Variants in ITGAV observed in about 807,000 individuals in gnomAD.
ITGAV encodes integrin alpha-V.
In ITGAV, 76 loss-of-function variants were observed where a neutral mutation model predicts 143.8. The observed-to-expected ratio is 0.53, with a 90% CI of 0.44 to 0.64. The LOEUF (loss-of-function observed/expected upper bound fraction) is 0.64. ITGAV is among the 30% of genes least tolerant of loss of function. The pLI is 0.00. For synonymous variants in ITGAV, 453 were observed against 446.7 expected, an observed-to-expected ratio of 1.01 and a Z score of -0.18; for missense variants, 1,193 against 1,274.7, an observed-to-expected ratio of 0.94 and a Z score of 0.98.
Position 186,676,953 on chromosome 2 carries a change from AAAG to A in ITGAV, c.3051+22_3051+24del, listed in dbSNP as rs144805292. The A allele has an allele frequency of 1.8e-3, 2,957 of 1,610,390 alleles. 39 individuals are homozygous for A. In the East Asian group the frequency reaches 0.03, roughly 16 times the overall value. On this transcript the variant is annotated intron_variant, in intron 29 of 29. Transcript: ENST00000261023. ...TGTACAGGGTAAGTAACGGACTTAG[AAAG>A]AAGGAGAGAGGGAAAGCAGAAGAAA... is the stretch of plus-strand genomic sequence containing the variant.
chr2:186,598,595 G>C (rs951116091), intron 1 of ITGAV, among the ~76,000 whole-genome samples: 2 of 151,696 alleles, frequency 1.3e-5, no homozygotes, highest in African/African-American at 4.8e-5. Flanking sequence ...ATGCCACCAC[G>C]CCTGGCTAAT....
chr2:186,592,859 G>C (rs180932986), intron 1 of ITGAV, among the ~76,000 whole-genome samples: 186 of 152,176 alleles, frequency 1.2e-3, no homozygotes, highest in African/African-American at 4.0e-3. Flanking sequence ...AACCAACCTT[G>C]AATTTTTTTC....
Position 186,646,774 on chromosome 2 carries a change from C to T in ITGAV, c.1248C>T (p.Val416=), listed in dbSNP as rs1267388354. The change falls in exon 13 of 30, where the codon GTC becomes GTT. Residue 416 remains valine (V), a synonymous_variant. Coordinates refer to ENST00000261023, the MANE Select transcript of ITGAV (RefSeq NM_002210.5). The part of the protein sequence containing the change: ...FNGRSTGLNA[V]PSQILEGQWA... ...GAAGATCAACAGGCTTGAACGCAGT[C>T]CCATCTCAAATCCTTGAAGGGCAGT... is the stretch of plus-strand genomic sequence containing the variant. The T allele has an allele frequency of 3.1e-6, 5 of 1,613,088 alleles. No homozygotes were observed. Among genetic ancestry groups the T allele is most frequent in the Non-Finnish European group, 4.2e-6 (5 of 1,179,460 alleles).
intron 3 of ITGAV, among the ~76,000 whole-genome samples, chr2:186,623,960 G>C (rs1687605600): frequency 6.6e-6 from 1 of 152,082 alleles, no homozygotes; most frequent in African/African-American, 2.4e-5. Context: ...GTGAACCAGA[G>C]CATTTTACCT....
chr2:186,650,040 A>T (rs1191363313), intron 14 of ITGAV, among the ~76,000 whole-genome samples, 155 bp downstream of exon 14: 1 of 152,134 alleles, frequency 6.6e-6, no homozygotes, highest in East Asian at 1.9e-4. Context: ...AAATAGTATT[A>T]TTTTTATTGG....
chr2:186,593,910 A>C (rs182916254), intron 1 of ITGAV, among the ~76,000 whole-genome samples: 190 of 152,314 alleles, frequency 1.2e-3, no homozygotes, highest in African/African-American at 4.3e-3. Context: ...TCATTCTTCA[A>C]ATATATGTTA....
chr2:186,656,987 AACACAC>A (rs56249746), intron 17 of ITGAV, among the ~76,000 whole-genome samples: 5,159 of 139,300 alleles, frequency 0.037, 179 homozygotes, highest in African/African-American at 0.078. Flanking sequence ...GAATTCATTA[AACACAC>A]ACACACACAC....
At chr2:186,601,453 G>A (rs3845712) in intron 1 of ITGAV, among the ~76,000 whole-genome samples, 3 of 151,018 alleles carry the variant, frequency 2.0e-5, no homozygotes, top group Admixed American at 6.6e-5. Context: ...AAGCAAAACT[G>A]TGTCTCTTAA....
At chr2:186,676,989 G>C (rs1689230976) in intron 29 of ITGAV, 54 bp downstream of exon 29, 1 of 1,564,696 alleles carries the variant, frequency 6.4e-7, no homozygotes. Context: ...AAAAGGGAAA[G>C]GGAAGAAGGA....
At position 186,641,675 on chromosome 2, in the gene ITGAV, C is replaced by T. The variant is rs551453776; in HGVS notation, c.1159+87C>T. The T allele has an allele frequency of 9.0e-4, 911 of 1,016,882 alleles. 7 individuals are homozygous for T. The highest frequency in any genetic ancestry group is 8.0e-3 in the South Asian group (561 of 70,266). 63.0% of individuals were successfully genotyped at this position (1,016,882 alleles called of 1,614,324 possible). A position where few individuals can be genotyped will look rare whatever the true frequency, so the allele number is the denominator to read the frequency against. On this transcript the variant is annotated intron_variant, in intron 12 of 29. Transcript: ENST00000261023. ...GTAAGTCCATCTGTAGAAGTCTACA[C>T]GAGCAAATCTCCTTCCTGGAAAGGT...
chr2:186,614,150 TA>T (rs1687290660), intron 2 of ITGAV, among the ~76,000 whole-genome samples: 2 of 152,098 alleles, frequency 1.3e-5, no homozygotes, highest in African/African-American at 4.8e-5. Context: ...CACTACTTTT[TA>T]AAAAACCTTT....
chr2:186,636,010 GTACCA>G, intron 6 of ITGAV, 67 bp from the exon 7 acceptor site: 2 of 1,294,176 alleles, frequency 1.5e-6, no homozygotes, highest in South Asian at 1.4e-5. Context: ...CTTCATGCAG[GTACCA>G]TACATTATCT....
chr2:186,640,533 C>A (rs1465909903), intron 10 of ITGAV, among the ~76,000 whole-genome samples: 3 of 152,120 alleles, frequency 2.0e-5, no homozygotes, highest in African/African-American at 7.2e-5. Flanking sequence ...CAACATTTGT[C>A]TGTGACTATA....
intron 11 of ITGAV, 87 bp from the exon 12 acceptor site, chr2:186,641,299 A>G: frequency 1.0e-6 from 1 of 1,002,028 alleles, no homozygotes; most frequent in Non-Finnish European, 1.6e-6. Flanking sequence ...ATGCAGAAAG[A>G]GGAAAAGTGA....
chr2:186,666,836 G>A, intron 22 of ITGAV, 53 bp downstream of exon 22: 2 of 930,334 alleles, frequency 2.1e-6, no homozygotes, highest in Non-Finnish European at 3.2e-6. Flanking sequence ...ATTATTTGTT[G>A]TAAATATACT....
At chr2:186,623,083 A>G (rs1687580026) in intron 3 of ITGAV, among the ~76,000 whole-genome samples, 1 of 152,110 alleles carries the variant, frequency 6.6e-6, no homozygotes, top group Admixed American at 6.5e-5. Context: ...AAAAAAAAAT[A>G]ACAACCTTCC....
intron 2 of ITGAV, among the ~76,000 whole-genome samples, chr2:186,602,374 G>A (rs1686934920): frequency 6.6e-6 from 1 of 152,132 alleles, no homozygotes; most frequent in Admixed American, 6.5e-5. Context: ...TGGTTCAGAT[G>A]TCTTCTGCCG....
In ITGAV at chr2:186,652,045, C is replaced by T; in HGVS notation, c.1461C>T (p.Asp487=). Residue 487 remains aspartate (D), a synonymous_variant, in exon 15 of 30, where the codon GAC becomes GAT. Coordinates refer to ENST00000261023, the MANE Select transcript of ITGAV (RefSeq NM_002210.5). ...TGTACCCTAGCATTTTAAATCAAGACAATAAAACCTGCTCACTGCCTGGAA... is the reference window on the plus strand; with the variant it reads ...TGTACCCTAGCATTTTAAATCAAGATAATAAAACCTGCTCACTGCCTGGAA... The part of the protein sequence containing the change: ...LEVYPSILNQ[D]NKTCSLPGTA... The T allele has an allele frequency of 6.2e-7, 1 of 1,613,436 alleles. No homozygotes were observed.
rs201713267 is a variant in ITGAV, at chr2:186,675,801, A to G, written c.2821-19A>G. ...AGGCCTGATATCTGGGAAATCATCTAATTGTTATTTCCAAACAGAAAGAAA... is the reference window on the plus strand; with the variant it reads ...AGGCCTGATATCTGGGAAATCATCTGATTGTTATTTCCAAACAGAAAGAAA... On this transcript the variant is annotated intron_variant, in intron 27 of 29. Coordinates refer to ENST00000261023, the MANE Select transcript of ITGAV (RefSeq NM_002210.5). 3.9e-6 allele frequency: 6 copies of G among 1,554,590 alleles called. No homozygotes were observed. In the African/African-American group the frequency reaches 6.8e-5, roughly 18 times the overall value.
Sources: gnomAD v4.1 joint callset for allele counts (sites outside exome capture counted in the v4.1 genomes callset) on GRCh38, gnomAD v4.1.1 for gene constraint, MANE v1.5 for transcripts, NCBI Gene and HGNC (gene_info 2026-07-23, HGNC 2026-07-21) for gene names.